Variants in ZNF529 observed in about 807,000 individuals in gnomAD.
ZNF529 encodes the protein zinc finger protein 529.
In ZNF529, 11 loss-of-function variants were observed where a neutral mutation model predicts 10.1. That is an observed-to-expected ratio of 1.09 (90% CI 0.69 to 1.81). ZNF529 has a LOEUF of 1.81. Among genes scored for constraint, ZNF529 ranks in the 40% most tolerant of loss-of-function variants. The pLI, the probability that ZNF529 is intolerant of heterozygous loss-of-function variation, is 0.00. For synonymous variants in ZNF529, 204 were observed against 215.7 expected, an observed-to-expected ratio of 0.95 and a Z score of 0.47; for missense variants, 624 against 666.8, an observed-to-expected ratio of 0.94 and a Z score of 0.71.
chr19:36,547,215 T>G lies in ZNF529; in HGVS notation c.1343A>C (p.Lys448Thr). 1.2e-6 allele frequency: 2 copies of G among 1,613,794 alleles called. No homozygotes were observed. The highest frequency in any genetic ancestry group is 1.7e-6 in the Non-Finnish European group (2 of 1,179,818). Reference sequence around the variant, plus strand: ...TCCACACTCCTTACATTCATAAGGTTTTTGACCACTGTGAATTCTTTCATG... The same window carrying G: ...TCCACACTCCTTACATTCATAAGGTGTTTGACCACTGTGAATTCTTTCATG... ...TRHERIHSGQ[K>T]PYECKECGKF... is the part of the protein sequence containing the mutation. Residue 448 changes from lysine (K) to threonine (T), a missense_variant, in exon 5 of 5, where the codon AAA (lysine) becomes ACA (threonine). Physicochemically the swap from Lys to Thr is moderately conservative, Grantham distance 78. Transcript: ENST00000591340.
intron 4 of ZNF529, among the ~76,000 whole-genome samples, chr19:36,551,160 G>T (rs1473753477): frequency 6.6e-6 from 1 of 152,168 alleles, no homozygotes; most frequent in Non-Finnish European, 1.5e-5. Flanking sequence ...GTTTGCGGGA[G>T]CTAAAGTGCC....
At position 36,554,732 on chromosome 19, in the gene ZNF529, G is replaced by C. The variant is rs2035398697; in HGVS notation, c.173C>G (p.Ser58Cys). The change falls in exon 4 of 5, where the codon TCT (serine) becomes TGT (cysteine). Residue 58 changes from serine (S) to cysteine (C), a missense_variant. Physicochemically the swap from Ser to Cys is moderately radical, Grantham distance 112. Transcript: ENST00000591340. Reference sequence around the variant, plus strand: ...ATCCCAGTACAAGTTCCTCTGAGCAGAATCCAGATATTCCCATTCCTCCTG... The same window carrying C: ...ATCCCAGTACAAGTTCCTCTGAGCACAATCCAGATATTCCCATTCCTCCTG... Reference protein sequence around the residue: ...FSQEEWEYLDSAQRNLYWDVM... With the variant: ...FSQEEWEYLDCAQRNLYWDVM... 6.3e-7 allele frequency: 1 copy of C among 1,577,818 alleles called. No homozygotes were observed. Among genetic ancestry groups the C allele is most frequent in the East Asian group, 2.3e-5 (1 of 43,406 alleles).
At position 36,555,448 on chromosome 19, in the gene ZNF529, C is replaced by T. The variant is rs1186384158; in HGVS notation, c.109-652G>A. On this transcript the variant is annotated intron_variant, in intron 3 of 4. Transcript: ENST00000591340. ...AGCTGGGACTACAGGCGCCCGCCAC[C>T]GCGCCCGGCTAATTTTTTGTATTTT... Among the ~76,000 whole-genome samples the T allele has an allele frequency of 2.3e-5, 2 of 85,774 alleles. 1 individual carries two copies. The highest frequency in any genetic ancestry group is 4.6e-5 in the Non-Finnish European group (2 of 43,856). 56.3% of individuals were successfully genotyped at this position (85,774 alleles called of 152,430 possible).
intron 2 of ZNF529, among the ~76,000 whole-genome samples, chr19:36,569,168 C>T (rs2036004862): frequency 1.3e-5 from 2 of 152,106 alleles, no homozygotes; most frequent in South Asian, 4.1e-4. Context: ...GATCCCAAGG[C>T]CCTAATTAGT....
At chr19:36,567,532 A>G (rs2035944406) in intron 2 of ZNF529, among the ~76,000 whole-genome samples, 1 of 151,922 alleles carries the variant, frequency 6.6e-6, no homozygotes, top group Admixed American at 6.6e-5. Flanking sequence ...TCCACCTCCC[A>G]GGTTCAAGTG....
chr19:36,592,143 G>C (rs1302991056), intron 1 of ZNF529, among the ~76,000 whole-genome samples: 4 of 151,510 alleles, frequency 2.6e-5, no homozygotes, highest in African/African-American at 9.7e-5. Context: ...AAATTAGCCA[G>C]GCATGGCAGT....
intron 2 of ZNF529, among the ~76,000 whole-genome samples, chr19:36,557,286 T>C (rs562808276): frequency 9.3e-4 from 142 of 152,282 alleles, no homozygotes; most frequent in Non-Finnish European, 1.8e-3. Flanking sequence ...ATGGTGGGAA[T>C]AGACTTCACT....
At chr19:36,554,839 A>G in intron 3 of ZNF529, 43 bp from the exon 4 acceptor site, 1 of 1,472,904 alleles carries the variant, frequency 6.8e-7, no homozygotes, top group Admixed American at 2.3e-5. Context: ...ATTTAAGGAA[A>G]TATTTTTGAG....
Position 36,545,203 on chromosome 19 carries a change from A to G in ZNF529, c.*1663T>C, listed in dbSNP as rs1343154893. The stretch of plus-strand genomic sequence containing the variant: ...CCACTGCACTCCGGCCTGGTGACAG[A>G]GCAAGGCTCTATCTCAAAATAAATA... On this transcript the variant is annotated 3_prime_UTR_variant, in exon 5 of 5. Transcript: ENST00000591340. 1 of 151,066 alleles carries G rather than the reference A, an allele frequency of 6.6e-6. No homozygotes were observed. The highest frequency in any genetic ancestry group is 1.5e-5 in the Non-Finnish European group (1 of 68,036). 9.4% of individuals were successfully genotyped at this position (151,066 alleles called of 1,614,324 possible).
chr19:36,576,958 C>CT (rs759716467), upstream of ZNF529, among the ~76,000 whole-genome samples: 1,015 of 136,000 alleles, frequency 7.5e-3, 24 homozygotes, highest in East Asian at 0.043. Flanking sequence ...TTTCTTTTTT[C>CT]TTTTTTTTTT....
intron 2 of ZNF529, among the ~76,000 whole-genome samples, chr19:36,586,419 A>AT (rs1178812111): frequency 6.6e-6 from 1 of 152,030 alleles, no homozygotes; most frequent in Non-Finnish European, 1.5e-5. Flanking sequence ...AGCCTGACCA[A>AT]TATGATGAAA....
intron 1 of ZNF529, among the ~76,000 whole-genome samples, chr19:36,598,573 T>C (rs1275766038): frequency 1.3e-5 from 2 of 152,130 alleles, no homozygotes; most frequent in Non-Finnish European, 2.9e-5. Context: ...AAAGATGTGA[T>C]TAAAACTTTC....
intron 2 of ZNF529, among the ~76,000 whole-genome samples, chr19:36,570,345 A>G (rs2036053583): frequency 7.3e-6 from 1 of 137,322 alleles, no homozygotes. Context: ...TGGGTGAGAG[A>G]GCAAGACCCT....
chr19:36,558,728 AT>A (rs1311615662), intron 2 of ZNF529, among the ~76,000 whole-genome samples: 1 of 152,084 alleles, frequency 6.6e-6, no homozygotes, highest in African/African-American at 2.4e-5. Context: ...TCTTGCAATG[AT>A]TTTTTAAAAT....
At chr19:36,591,859 G>C (rs2036725143) in intron 1 of ZNF529, among the ~76,000 whole-genome samples, 1 of 152,112 alleles carries the variant, frequency 6.6e-6, no homozygotes, top group African/African-American at 2.4e-5. Context: ...CCAGAAAATA[G>C]GGAAGGAGAG....
rs1353850752 is a variant in ZNF529, at chr19:36,554,689, G to A, written c.216C>T (p.Tyr72=). The A allele has an allele frequency of 1.9e-6, 3 of 1,567,236 alleles. No homozygotes were observed. Among genetic ancestry groups the A allele is most frequent in the Non-Finnish European group, 2.6e-6 (3 of 1,154,730 alleles). ...NLYWDVMMEN[Y]SNLLSLDLES... ...ATTTACCCAGTGAGAGTAAGTTGCT[G>A]TAGTTCTCCATCATCACATCCCAGT... Residue 72 remains tyrosine, a synonymous_variant, in exon 4 of 5, where the codon TAC becomes TAT. Transcript: ENST00000591340.
intron 2 of ZNF529, among the ~76,000 whole-genome samples, chr19:36,560,534 C>T (rs1461818611): frequency 6.6e-6 from 1 of 152,100 alleles, no homozygotes; most frequent in South Asian, 2.1e-4. Flanking sequence ...AGTGAGAAAT[C>T]AGATTGATAA....
intron 1 of ZNF529, among the ~76,000 whole-genome samples, chr19:36,593,515 G>A (rs556468364): frequency 5.9e-5 from 9 of 152,120 alleles, no homozygotes; most frequent in South Asian, 2.1e-4. Flanking sequence ...TTAATCATCC[G>A]TCCACCATCT....
intron 2 of ZNF529, among the ~76,000 whole-genome samples, chr19:36,571,239 T>C (rs2036094292): frequency 6.6e-6 from 1 of 152,172 alleles, no homozygotes; most frequent in Non-Finnish European, 1.5e-5. Context: ...ATATACCAGA[T>C]TTTGAAAACT....
Sources: gnomAD v4.1 joint callset for allele counts (sites outside exome capture counted in the v4.1 genomes callset) on GRCh38, gnomAD v4.1.1 for gene constraint, MANE v1.5 for transcripts, NCBI Gene and HGNC (gene_info 2026-07-23, HGNC 2026-07-21) for gene names.